JADE3: variants seen among roughly 807,000 people sequenced by gnomAD.
JADE3 encodes the protein jade family PHD finger 3.
Under a neutral mutation model 50.1 loss-of-function variants are expected in JADE3, and 2 were observed. That is an observed-to-expected ratio of 0.04 (90% CI 0.02 to 0.13). JADE3 has a LOEUF of 0.13. Ranked by LOEUF, JADE3 falls within the 10% of genes least tolerant of loss-of-function variation. JADE3 has a pLI of 1.00. For missense variants in JADE3, 475 were observed against 634.4 expected (o/e 0.75, Z 2.70); for synonymous variants, 218 against 232.9 (o/e 0.94, Z 0.58).
intron 1 of JADE3, among the ~76,000 whole-genome samples, chrX:46,935,948 ATT>A (rs1926610898): frequency 9.8e-6 from 1 of 101,623 alleles, no homozygotes; most frequent in Non-Finnish European, 2.0e-5. Context: ...ACCTCCTGAG[ATT>A]ACAGGTATGA....
At chrX:46,947,073 G>C (rs1343333196) in intron 1 of JADE3, among the ~76,000 whole-genome samples, 2 of 111,750 alleles carry the variant, frequency 1.8e-5, no homozygotes, top group Non-Finnish European at 3.8e-5. Flanking sequence ...AGGCTGGAGT[G>C]CAGTGGCACA....
chrX:47,047,991 A>G (rs1029740138), intron 8 of JADE3, among the ~76,000 whole-genome samples: 1 of 111,934 alleles, frequency 8.9e-6, no homozygotes, highest in African/African-American at 3.2e-5. Context: ...AGTGGTGCAG[A>G]TAGTGCTTAT....
At chrX:46,997,545 G>A (rs1556357723) in intron 3 of JADE3, among the ~76,000 whole-genome samples, 1 of 111,187 alleles carries the variant, frequency 9.0e-6, no homozygotes, top group East Asian at 2.8e-4. Context: ...TTCTGGAACA[G>A]AAAGACATTA....
intron 8 of JADE3, among the ~76,000 whole-genome samples, chrX:47,051,796 C>CAATCAATCAGT (rs1929513172): frequency 9.6e-6 from 1 of 103,661 alleles, no homozygotes; most frequent in Admixed American, 1.0e-4. Context: ...GACTCTGTCT[C>CAATCAATCAGT]CCAAAAAAAA....
chrX:46,949,959 C>T (rs1556344379), intron 1 of JADE3, among the ~76,000 whole-genome samples: 1 of 111,663 alleles, frequency 9.0e-6, no homozygotes, highest in Admixed American at 9.6e-5. Flanking sequence ...CCCAAATGCC[C>T]TCCAGTAAGT....
chrX:46,933,800 A>G (rs1330759819), intron 1 of JADE3, among the ~76,000 whole-genome samples: 1 of 111,695 alleles, frequency 9.0e-6, no homozygotes, highest in Non-Finnish European at 1.9e-5. Context: ...TAGAAAAAGT[A>G]ATTAGCTCGG....
At chrX:46,938,823 C>A (rs1378172681) in intron 1 of JADE3, among the ~76,000 whole-genome samples, 3 of 112,053 alleles carry the variant, frequency 2.7e-5, no homozygotes, top group African/African-American at 9.7e-5. Flanking sequence ...CCACTTCCTT[C>A]TGACCTCCAT....
intron 1 of JADE3, among the ~76,000 whole-genome samples, chrX:46,956,669 G>A (rs1014844501): frequency 2.7e-5 from 3 of 110,115 alleles, no homozygotes; most frequent in Non-Finnish European, 3.8e-5. Context: ...TGGTACTGCA[G>A]GTGTGCATCA....
intron 1 of JADE3, among the ~76,000 whole-genome samples, chrX:46,923,306 C>T (rs187095387): frequency 2.8e-5 from 3 of 106,340 alleles, no homozygotes; most frequent in Non-Finnish European, 3.9e-5. Context: ...TGAGCCACTG[C>T]GCCCAGCAAG....
chrX:47,007,375 T>G (rs185299548), intron 4 of JADE3, among the ~76,000 whole-genome samples: 36 of 111,860 alleles, frequency 3.2e-4, no homozygotes, highest in African/African-American at 9.7e-4. Context: ...TGAGAGAGGT[T>G]GAGGTCTATA....
At chrX:47,042,718 G>C (rs1407004844) in intron 8 of JADE3, among the ~76,000 whole-genome samples, 4 of 111,549 alleles carry the variant, frequency 3.6e-5, no homozygotes, top group African/African-American at 1.3e-4. Flanking sequence ...TAAGGTTCTT[G>C]ACTCCAGGCC....
At chrX:47,041,996 CT>C (rs1248210041) in intron 8 of JADE3, among the ~76,000 whole-genome samples, 4 of 103,985 alleles carry the variant, frequency 3.8e-5, no homozygotes, top group Non-Finnish European at 4.0e-5. Flanking sequence ...TTCTTTTTTT[CT>C]TTTTTTTTTA....
chrX:46,931,525 G>T (rs1401719316), intron 1 of JADE3, among the ~76,000 whole-genome samples: 1 of 109,995 alleles, frequency 9.1e-6, no homozygotes, highest in Non-Finnish European at 1.9e-5. Flanking sequence ...GGGTTCAAGC[G>T]ATTCTCCTGC....
intron 1 of JADE3, among the ~76,000 whole-genome samples, chrX:46,913,223 T>C (rs1030739224): frequency 9.1e-6 from 1 of 110,126 alleles, no homozygotes; most frequent in African/African-American, 3.3e-5. Context: ...CCTGGCTGTT[T>C]AGCTGTTGGG....
intron 1 of JADE3, among the ~76,000 whole-genome samples, chrX:46,935,677 C>T (rs782590210): frequency 2.7e-5 from 3 of 110,488 alleles, no homozygotes; most frequent in Non-Finnish European, 5.7e-5. Flanking sequence ...ATCCTCCCTT[C>T]CCCCGTCCGT....
intron 4 of JADE3, among the ~76,000 whole-genome samples, chrX:47,023,231 C>A (rs1928835056): frequency 9.0e-6 from 1 of 111,445 alleles, no homozygotes; most frequent in Non-Finnish European, 1.9e-5. Context: ...AGCTGTTAAG[C>A]CTAGCATGCA....
At chrX:46,920,947 A>T (rs958270342) in intron 1 of JADE3, among the ~76,000 whole-genome samples, 6 of 112,032 alleles carry the variant, frequency 5.4e-5, no homozygotes, top group Admixed American at 9.4e-5. Flanking sequence ...GTTACTTTTT[A>T]AAAAAATTTT....
In JADE3 at chrX:47,009,616, CT is replaced by C. The variant is rs782210510; in HGVS notation, c.284+11353del. Among the ~76,000 whole-genome samples the C allele has an allele frequency of 1.3e-3, 133 of 99,652 alleles. No individual in the cohort carries two copies. The Middle Eastern group carries it at 0.015, about 11-fold the overall frequency. 86.5% of individuals were successfully genotyped at this position (99,652 alleles called of 115,157 possible). Reference sequence around the variant, plus strand: ...CCATTTTCACCATTTGCATTCCTTTCTTTTTTTTTTTTTTCTTTTCATTTTT... The same window carrying C: ...CCATTTTCACCATTTGCATTCCTTTCTTTTTTTTTTTTTCTTTTCATTTTT... On this transcript the variant is annotated intron_variant, in intron 4 of 10. Transcript: ENST00000614628.
At chrX:46,990,112 C>A (rs1556355565) in intron 3 of JADE3, among the ~76,000 whole-genome samples, 1 of 110,971 alleles carries the variant, frequency 9.0e-6, no homozygotes, top group East Asian at 2.8e-4. Flanking sequence ...TTTGTAATTT[C>A]TTGTTGAAAC....
Sources: allele counts gnomAD v4.1 joint callset (sites outside exome capture counted in the v4.1 genomes callset), GRCh38; gene constraint gnomAD v4.1.1; transcripts MANE v1.5; gene names NCBI Gene and HGNC (gene_info 2026-07-23, HGNC 2026-07-21).